The following ROBO1 variants were observed in gnomAD, a reference collection of about 807,000 sequenced individuals.
The protein encoded by ROBO1 is roundabout homolog 1.
A neutral mutation model predicts 195.9 loss-of-function variants in ROBO1; 149 were observed. That is an observed-to-expected ratio of 0.76 (90% CI 0.67 to 0.87). ROBO1 has a LOEUF of 0.87. ROBO1 is among the 40% of genes least tolerant of loss of function. ROBO1 has a pLI of 0.00. For synonymous variants in ROBO1, 816 were observed against 733.2 expected (o/e 1.11, Z -1.82); for missense variants, 1,933 against 2,068.3 (o/e 0.93, Z 1.27).
At chr3:79,767,575 G>GT (rs1705065396) in intron 1 of ROBO1, among the ~76,000 whole-genome samples, 177 bp downstream of exon 1, 1 of 152,160 alleles carries the variant, frequency 6.6e-6, no homozygotes, top group Non-Finnish European at 1.5e-5. Context: ...TAGCCTGAAG[G>GT]TTTTTGATTC....
At chr3:78,825,892 C>T (rs1352350841) in intron 4 of ROBO1, among the ~76,000 whole-genome samples, 2 of 152,056 alleles carry the variant, frequency 1.3e-5, no homozygotes, top group African/African-American at 4.8e-5. Flanking sequence ...ATGACTCCTG[C>T]TAAGATTTTG....
intron 1 of ROBO1, among the ~76,000 whole-genome samples, chr3:79,706,570 G>T (rs1421490671): frequency 6.6e-6 from 1 of 152,016 alleles, no homozygotes; most frequent in East Asian, 1.9e-4. Context: ...GGAGGGACCC[G>T]GTAGGGGGTA....
intron 1 of ROBO1, among the ~76,000 whole-genome samples, chr3:79,627,228 T>A (rs1271519925): frequency 6.6e-6 from 1 of 152,130 alleles, no homozygotes; most frequent in Non-Finnish European, 1.5e-5. Context: ...GGTGGAGGCA[T>A]CACACTACCT....
intron 4 of ROBO1, among the ~76,000 whole-genome samples, chr3:78,770,210 CAAT>C (rs1157618195): frequency 6.6e-6 from 1 of 152,118 alleles, no homozygotes; most frequent in Non-Finnish European, 1.5e-5. Context: ...TCAGGTACAC[CAAT>C]TATTCTTAGG....
intron 1 of ROBO1, among the ~76,000 whole-genome samples, chr3:79,619,701 C>CTT (rs1451312512): frequency 6.6e-6 from 1 of 152,142 alleles, no homozygotes; most frequent in African/African-American, 2.4e-5. Context: ...CATTTAGGCT[C>CTT]TTTTTCATCA....
intron 4 of ROBO1, among the ~76,000 whole-genome samples, chr3:78,835,655 AATCT>A (rs2032647347): frequency 6.6e-6 from 1 of 152,226 alleles, no homozygotes; most frequent in African/African-American, 2.4e-5. Context: ...AAAAATGATC[AATCT>A]ATGAATTATA....
intron 8 of ROBO1, among the ~76,000 whole-genome samples, chr3:78,705,253 T>C (rs1166672207): frequency 2.0e-5 from 3 of 152,176 alleles, no homozygotes; most frequent in African/African-American, 7.2e-5. Context: ...AACAGGGACC[T>C]GATGAATTTT....
At chr3:78,889,678 T>A (rs1320181685) in intron 4 of ROBO1, among the ~76,000 whole-genome samples, 3 of 150,142 alleles carry the variant, frequency 2.0e-5, no homozygotes, top group Non-Finnish European at 3.0e-5. Context: ...ACAAGCCTCA[T>A]TTGGGTGGAA....
intron 5 of ROBO1, among the ~76,000 whole-genome samples, chr3:78,730,094 A>T (rs924248044): frequency 6.6e-6 from 1 of 152,236 alleles, no homozygotes; most frequent in Non-Finnish European, 1.5e-5. Context: ...AGAAATAAAG[A>T]TGACAAATGT....
chr3:79,532,939 A>G, intron 2 of ROBO1: 1 of 239,804 alleles, frequency 4.2e-6, no homozygotes, highest in Non-Finnish European at 8.5e-6. Flanking sequence ...TGTTTAGGGG[A>G]CTGTCAATTA....
At chr3:79,687,025 A>G (rs1327745825) in intron 1 of ROBO1, among the ~76,000 whole-genome samples, 1 of 152,196 alleles carries the variant, frequency 6.6e-6, no homozygotes, top group Admixed American at 6.5e-5. Flanking sequence ...AGAGATATAG[A>G]CCAATGGAAC....
intron 2 of ROBO1, among the ~76,000 whole-genome samples, chr3:79,372,936 A>T (rs2036253383): frequency 6.6e-6 from 1 of 151,796 alleles, no homozygotes; most frequent in African/African-American, 2.4e-5. Flanking sequence ...TTTCGGGGGT[A>T]CATGCGCAGG....
At chr3:79,043,403 G>C (rs149366619) in intron 3 of ROBO1, among the ~76,000 whole-genome samples, 177 of 152,018 alleles carry the variant, frequency 1.2e-3, no homozygotes, top group African/African-American at 4.1e-3. Flanking sequence ...TTTGGAAAAT[G>C]ATCCATCTGT....
Position 79,102,771 on chromosome 3 carries a change from C to T in ROBO1, c.172+22685G>A, listed in dbSNP as rs371952373. ...ATGTGTATGTCCAAAGAGAGAAGCA[C>T]ATAAAAGTTATTGGTGCTTTTTTGC... On this transcript the variant is annotated intron_variant, in intron 3 of 30. Coordinates refer to ENST00000464233, the MANE Select transcript of ROBO1 (RefSeq NM_002941.4). Among the ~76,000 whole-genome samples, 23 of 151,912 alleles carry T rather than the reference C, an allele frequency of 1.5e-4. 1 individual carries two copies. The highest frequency in any genetic ancestry group is 5.3e-4 in the African/African-American group (22 of 41,508).
At chr3:79,160,253 TG>T (rs1249896998) in intron 2 of ROBO1, among the ~76,000 whole-genome samples, 5 of 151,948 alleles carry the variant, frequency 3.3e-5, no homozygotes, top group Non-Finnish European at 5.9e-5. Flanking sequence ...TGTGTGTGTG[TG>T]TGTGTGTTGT....
intron 2 of ROBO1, among the ~76,000 whole-genome samples, chr3:79,459,152 T>C (rs1447531468): frequency 6.6e-6 from 1 of 151,440 alleles, no homozygotes; most frequent in African/African-American, 2.4e-5. Flanking sequence ...AAAAAATGTA[T>C]ACCTTGCTTA....
At chr3:79,195,270 A>C (rs143200800) in intron 2 of ROBO1, among the ~76,000 whole-genome samples, 2 of 151,760 alleles carry the variant, frequency 1.3e-5, no homozygotes, top group African/African-American at 4.8e-5. Context: ...CTGTAAATAG[A>C]ATGCTGGGCA....
intron 8 of ROBO1, among the ~76,000 whole-genome samples, chr3:78,711,348 C>CTTCCTTCCTTCCTTCCTTCCT (rs1428531321): frequency 1.8e-5 from 1 of 54,672 alleles, no homozygotes; most frequent in Non-Finnish European, 3.2e-5. Context: ...TCCTTCCTTC[C>CTTCCTTCCTTCCTTCCTTCCT]TCCTTCCTTC....
chr3:79,081,767 C>A (rs1246644759), intron 3 of ROBO1, among the ~76,000 whole-genome samples: 1 of 152,068 alleles, frequency 6.6e-6, no homozygotes, highest in Non-Finnish European at 1.5e-5. Context: ...TGGCTCATTT[C>A]GTAGAATCTA....
Sources: gnomAD v4.1 joint callset for allele counts (sites outside exome capture counted in the v4.1 genomes callset) on GRCh38, gnomAD v4.1.1 for gene constraint, MANE v1.5 for transcripts, NCBI Gene and HGNC (gene_info 2026-07-23, HGNC 2026-07-21) for gene names.